The following MNAT1 variants were observed in gnomAD, a reference collection of about 807,000 sequenced individuals.
MNAT1 encodes the protein CDK-activating kinase assembly factor MAT1.
MNAT1 carries 43 observed loss-of-function variants against 42.0 expected under a neutral mutation model. The observed-to-expected ratio is 1.02, with a 90% confidence interval of 0.80 to 1.32. The LOEUF (loss-of-function observed/expected upper bound fraction) is 1.32, where lower values mean the gene tolerates loss of function less well. MNAT1 is among the 40% of genes most tolerant of loss of function. The pLI is 0.00. For synonymous variants in MNAT1, 118 were observed against 120.0 expected (o/e 0.98, Z 0.11); for missense variants, 306 against 350.4 (o/e 0.87, Z 1.01).
chr14:60,745,548 A>T (rs774844141), intron 1 of MNAT1, among the ~76,000 whole-genome samples: 4 of 151,896 alleles, frequency 2.6e-5, no homozygotes, highest in Non-Finnish European at 5.9e-5. Flanking sequence ...TCCTGAGTAG[A>T]TGGGATTACA....
intron 3 of MNAT1, among the ~76,000 whole-genome samples, chr14:60,805,090 A>T (rs2139341090): frequency 6.6e-6 from 1 of 152,348 alleles, no homozygotes; most frequent in Non-Finnish European, 1.5e-5. Flanking sequence ...ATCAGTAATT[A>T]TAAAGGTTAT....
chr14:60,938,515 A>G (rs1202517242), intron 7 of MNAT1, among the ~76,000 whole-genome samples: 1 of 152,172 alleles, frequency 6.6e-6, no homozygotes, highest in East Asian at 1.9e-4. Context: ...TTCTGTTAAT[A>G]TGCTGGATTA....
At chr14:60,895,684 C>T (rs944458803) in intron 7 of MNAT1, among the ~76,000 whole-genome samples, 29 of 152,160 alleles carry the variant, frequency 1.9e-4, no homozygotes, top group Admixed American at 4.6e-4. Flanking sequence ...ATAATCCTAG[C>T]ACTTTGGGAG....
At chr14:60,746,917 TATATATACACACACACACACAC>T (rs1566749183) in intron 1 of MNAT1, among the ~76,000 whole-genome samples, 1 of 27,164 alleles carries the variant, frequency 3.7e-5, no homozygotes, top group African/African-American at 1.3e-4. Context: ...TATATATATA[TATATATACACACACACACACAC>T]ACACACACAC....
Position 60,794,977 on chromosome 14 carries a change from G to A in MNAT1, c.90-1240G>A, listed in dbSNP as rs1036790512. On this transcript the variant is annotated intron_variant, in intron 1 of 7. Transcript: ENST00000261245. ...TAGAGAACAAGATAGGCAACATTCT[G>A]TCTTTATGAAATATACTGTACTTCC... 2.6e-5 allele frequency among the ~76,000 whole-genome samples: 4 copies of A among 152,070 alleles called. No individual in the cohort carries two copies. In the East Asian group the frequency reaches 7.7e-4, roughly 29 times the overall value.
intron 6 of MNAT1, among the ~76,000 whole-genome samples, chr14:60,838,145 C>CT (rs376059755): frequency 2.7e-5 from 4 of 146,298 alleles, no homozygotes; most frequent in Non-Finnish European, 4.5e-5. Context: ...TTTTTTTTTT[C>CT]TTTTTTTTAG....
intron 1 of MNAT1, among the ~76,000 whole-genome samples, chr14:60,759,161 A>G (rs974624598): frequency 6.6e-6 from 1 of 152,216 alleles, no homozygotes; most frequent in Non-Finnish European, 1.5e-5. Context: ...AACATTTAGT[A>G]TGAAGAAAGA....
chr14:60,741,993 G>A (rs1896483079), intron 1 of MNAT1, among the ~76,000 whole-genome samples: 1 of 151,530 alleles, frequency 6.6e-6, no homozygotes, highest in Admixed American at 6.6e-5. Flanking sequence ...TTTTTTTGTT[G>A]TTCTTTTGCT....
At chr14:60,812,404 G>A (rs1480548810) in intron 5 of MNAT1, among the ~76,000 whole-genome samples, 1 of 152,158 alleles carries the variant, frequency 6.6e-6, no homozygotes, top group East Asian at 1.9e-4. Context: ...GTATTCTCAG[G>A]ACACCTCTCC....
In MNAT1 at chr14:60,740,077, C is replaced by A. The variant is rs1051958125; in HGVS notation, c.89+5126C>A. ...GGCTAAGGCAGGAGAATCACTTGAA[C>A]CTGGGAGGCAGAGGTTGCAGTGAGC... On this transcript the variant is annotated intron_variant, in intron 1 of 7. Coordinates refer to ENST00000261245, the MANE Select transcript of MNAT1 (RefSeq NM_002431.4). This position sits in a 1 kb window ranked among gnomAD's most constrained non-coding sequence, Gnocchi z 4.1. Among the ~76,000 whole-genome samples, 17 of 152,242 alleles carry A rather than the reference C, an allele frequency of 1.1e-4. No individual in the cohort carries two copies. The highest frequency in any genetic ancestry group is 9.8e-4 in the Admixed American group (15 of 15,294).
At chr14:60,837,173 T>A (rs1319346728) in intron 6 of MNAT1, among the ~76,000 whole-genome samples, 1 of 152,178 alleles carries the variant, frequency 6.6e-6, no homozygotes, top group Non-Finnish European at 1.5e-5. Context: ...GGGGGTGGGA[T>A]CCGCTGGGCT....
chr14:60,779,492 TAAG>T (rs2031369818), intron 1 of MNAT1, among the ~76,000 whole-genome samples: 1 of 152,082 alleles, frequency 6.6e-6, no homozygotes, highest in African/African-American at 2.4e-5. Context: ...GTAGAATCCT[TAAG>T]AAGCTGTTTC....
chr14:60,840,993 G>A (rs1204075599), intron 6 of MNAT1, among the ~76,000 whole-genome samples: 3 of 152,162 alleles, frequency 2.0e-5, no homozygotes, highest in Non-Finnish European at 4.4e-5. Flanking sequence ...TCAGAGTGTG[G>A]TCTGTCTTGG....
intron 7 of MNAT1, among the ~76,000 whole-genome samples, chr14:60,893,004 A>G (rs2034877757): frequency 6.6e-6 from 1 of 152,100 alleles, no homozygotes; most frequent in African/African-American, 2.4e-5. Flanking sequence ...GAGTTATAAA[A>G]CTTAGTAATA....
intron 6 of MNAT1, among the ~76,000 whole-genome samples, chr14:60,871,270 G>C (rs1460431957): frequency 2.0e-5 from 3 of 152,104 alleles, no homozygotes; most frequent in Non-Finnish European, 4.4e-5. Context: ...TCTTTGTGTG[G>C]TCATATGTTT....
intron 3 of MNAT1, among the ~76,000 whole-genome samples, chr14:60,806,633 C>G (rs937672277): frequency 6.6e-6 from 1 of 152,170 alleles, no homozygotes; most frequent in Non-Finnish European, 1.5e-5. Context: ...AGTTCAAGAC[C>G]AGCCTGGCCA....
intron 7 of MNAT1, among the ~76,000 whole-genome samples, chr14:60,917,882 C>T (rs1220023900): frequency 6.6e-6 from 1 of 152,108 alleles, no homozygotes; most frequent in African/African-American, 2.4e-5. Context: ...CCCGCTTTGG[C>T]CTCCCAAAGT....
intron 5 of MNAT1, among the ~76,000 whole-genome samples, chr14:60,813,997 A>G (rs2032636166): frequency 6.6e-6 from 1 of 152,134 alleles, no homozygotes; most frequent in South Asian, 2.1e-4. Context: ...TGAGAGAGTG[A>G]CATTATAACT....
chr14:60,839,941 C>T (rs761441008), intron 6 of MNAT1, among the ~76,000 whole-genome samples: 4 of 152,306 alleles, frequency 2.6e-5, no homozygotes, highest in South Asian at 4.1e-4. Context: ...TGGCATGAGC[C>T]GTGCACAGCG....
Sources: gnomAD v4.1 joint callset for allele counts (sites outside exome capture counted in the v4.1 genomes callset) on GRCh38, gnomAD v4.1.1 for gene constraint, Gnocchi (gnomAD v3.1) non-coding constraint, MANE v1.5 for transcripts, NCBI Gene and HGNC (gene_info 2026-07-23, HGNC 2026-07-21) for gene names.